The following LOXHD1 variants were observed in gnomAD, a reference collection of about 807,000 sequenced individuals.
LOXHD1 encodes lipoxygenase homology domain-containing protein 1.
Under a neutral mutation model 248.2 loss-of-function variants are expected in LOXHD1, and 205 were observed. The ratio of observed to expected loss-of-function variants is 0.83; its 90% CI spans 0.74 to 0.93. The LOEUF is 0.93. LOXHD1 is among the 40% of genes least tolerant of loss of function. LOXHD1 has a pLI of 0.00. For synonymous variants in LOXHD1, 1,113 were observed against 1,162.8 expected (o/e 0.96, Z 0.87); for missense variants, 2,930 against 2,971.6 (o/e 0.99, Z 0.33).
chr18:46,641,088 T>C (rs186939679), intron 3 of LOXHD1, among the ~76,000 whole-genome samples: 8 of 151,068 alleles, frequency 5.3e-5, no homozygotes, highest in African/African-American at 2.0e-4. Context: ...CCCTTCCCAA[T>C]CTCCCCTGCA....
chr18:46,566,351 G>A lies in LOXHD1; in HGVS notation c.2343C>T (p.Tyr781=), dbSNP rs2037641005. The part of the protein sequence containing the change: ...QIRVPRQGKQ[Y]TFPANRWLDK... ...CCAGCCAGCGGTTGGCGGGAAAGGT[G>A]TACTGCTTGCCTTGACGGGGCACAC... Residue 781 remains tyrosine, a synonymous_variant, in exon 17 of 41, where the codon TAC becomes TAT. Coordinates refer to ENST00000642948, the MANE Select transcript of LOXHD1 (RefSeq NM_001384474.1). The A allele has an allele frequency of 6.4e-7, 1 of 1,551,818 alleles. No individual in the cohort carries two copies. Among genetic ancestry groups the A allele is most frequent in the Non-Finnish European group, 8.7e-7 (1 of 1,147,030 alleles).
In LOXHD1 at chr18:46,617,105, G is replaced by T. The variant is rs114639702; in HGVS notation, c.610+1087C>A. ...TGCCAAATATCTAAAGGTATTACTGGCATGAAACCAATTTTCTGTACTTGA... is the reference window on the plus strand; with the variant it reads ...TGCCAAATATCTAAAGGTATTACTGTCATGAAACCAATTTTCTGTACTTGA... On this transcript the variant is annotated intron_variant, in intron 5 of 40. Coordinates refer to ENST00000642948, the MANE Select transcript of LOXHD1 (RefSeq NM_001384474.1). Among the ~76,000 whole-genome samples the T allele has an allele frequency of 2.4e-3, 372 of 152,278 alleles. 3 individuals are homozygous for T. Among genetic ancestry groups the T allele is most frequent in the African/African-American group, 8.1e-3 (335 of 41,562 alleles).
In LOXHD1 at chr18:46,485,109, C is replaced by T. The variant is rs557247059; in HGVS notation, c.6092G>A (p.Arg2031Lys). ...VIETGNGGET[R>K]ENVWLILEGR... is the part of the protein sequence containing the mutation. ...CTCCAGGATGAGCCAGACGTTCTCC[C>T]TGGTTTCGCCTCCGTTGCCCGTTTC... Residue 2031 changes from arginine (R) to lysine (K), a missense_variant, in exon 39 of 41, where the codon AGG becomes AAG. Transcript: ENST00000642948. 8.8e-5 allele frequency: 136 copies of T among 1,550,252 alleles called. No homozygotes were observed. The South Asian group carries it at 1.5e-3, about 17-fold the overall frequency.
chr18:46,510,518 G>A (rs1368874367), intron 34 of LOXHD1, among the ~76,000 whole-genome samples: 1 of 152,038 alleles, frequency 6.6e-6, no homozygotes, highest in Non-Finnish European at 1.5e-5. Context: ...TGTACAATTC[G>A]ACCTTCAATG....
intron 7 of LOXHD1, among the ~76,000 whole-genome samples, chr18:46,603,735 C>G (rs1298227686): frequency 1.3e-5 from 2 of 152,158 alleles, no homozygotes; most frequent in Non-Finnish European, 1.5e-5. Flanking sequence ...TGAAGGACAC[C>G]ATGTAGGTCA....
chr18:46,566,376 C>A lies in LOXHD1; in HGVS notation c.2318G>T (p.Arg773Leu). ...ASWFLGSVQI[R>L]VPRQGKQYTF... ...GTACTGCTTGCCTTGACGGGGCACA[C>A]GGATCTGAACGCTGCCCAGGAACCA... The change falls in exon 17 of 41, where the codon CGT becomes CTT. Residue 773 changes from arginine to leucine, a missense_variant. Coordinates refer to ENST00000642948, the MANE Select transcript of LOXHD1 (RefSeq NM_001384474.1). 1 of 1,551,636 alleles carries A rather than the reference C, an allele frequency of 6.4e-7. No individual in the cohort carries two copies. The highest frequency in any genetic ancestry group is 1.2e-5 in the South Asian group (1 of 84,062).
chr18:46,630,112 A>G (rs1301058470), intron 4 of LOXHD1, among the ~76,000 whole-genome samples: 2 of 152,234 alleles, frequency 1.3e-5, no homozygotes, highest in African/African-American at 4.8e-5. Flanking sequence ...ACCCACCTCA[A>G]GACTGGGCCC....
chr18:46,544,953 T>C (rs904086121), intron 23 of LOXHD1: 1 of 480,650 alleles, frequency 2.1e-6, no homozygotes, highest in Non-Finnish European at 4.3e-6. Context: ...GACCCAACAC[T>C]AAACACCACC....
chr18:46,520,256 A>G, intron 33 of LOXHD1: 2 of 470,494 alleles, frequency 4.3e-6, no homozygotes, highest in Middle Eastern at 3.3e-4. Flanking sequence ...TCCATATACA[A>G]TGTAGGCAGA....
rs113696943 is a variant in LOXHD1 at position 46,563,053 on chromosome 18, G to C, written c.2598+12C>G. ...CCTGCTGTTGGCACCCCCGCTCCTCGACCCCACATACCTGGAATGTGTCCT... is the reference window on the plus strand; with the variant it reads ...CCTGCTGTTGGCACCCCCGCTCCTCCACCCCACATACCTGGAATGTGTCCT... On this transcript the variant is annotated intron_variant, in intron 18 of 40. Transcript: ENST00000642948. 6.5e-7 allele frequency: 1 copy of C among 1,529,866 alleles called. No individual in the cohort carries two copies. Among genetic ancestry groups the C allele is most frequent in the Middle Eastern group, 1.8e-4 (1 of 5,484 alleles). 94.8% of individuals were successfully genotyped at this position (1,529,866 alleles called of 1,614,324 possible).
At chr18:46,580,898 C>A (rs887685582) in intron 12 of LOXHD1, among the ~76,000 whole-genome samples, 9 of 151,978 alleles carry the variant, frequency 5.9e-5, no homozygotes, top group Non-Finnish European at 1.3e-4. Context: ...GAGAGAAGGC[C>A]AATATGGCTG....
chr18:46,638,401 G>A (rs944208083), intron 4 of LOXHD1, among the ~76,000 whole-genome samples: 1 of 152,212 alleles, frequency 6.6e-6, no homozygotes, highest in African/African-American at 2.4e-5. Flanking sequence ...GGAGGCCGAG[G>A]TGGGTGGATC....
At chr18:46,536,733 A>G (rs1226859603) in intron 26 of LOXHD1, among the ~76,000 whole-genome samples, 2 of 152,224 alleles carry the variant, frequency 1.3e-5, no homozygotes, top group Admixed American at 6.5e-5. Flanking sequence ...AAGACTCAGC[A>G]AAGGTGACAG....
At chr18:46,520,331 G>A (rs1038417515) in intron 33 of LOXHD1, 1 of 471,104 alleles carries the variant, frequency 2.1e-6, no homozygotes, top group Admixed American at 2.3e-5. Flanking sequence ...GGTCCAAGAA[G>A]CCCATTGGTT....
At chr18:46,525,911 ACAT>A (rs2035806805) in intron 29 of LOXHD1, among the ~76,000 whole-genome samples, 2 of 152,306 alleles carry the variant, frequency 1.3e-5, no homozygotes, top group East Asian at 1.9e-4. Context: ...GGTGGGAACA[ACAT>A]CCTGTGTGAG....
chr18:46,522,205 G>A lies in LOXHD1; in HGVS notation c.4981C>T (p.Arg1661Cys), dbSNP rs780612724. The A allele has an allele frequency of 7.7e-6, 12 of 1,551,710 alleles. No individual in the cohort carries two copies. Among genetic ancestry groups the A allele is most frequent in the East Asian group, 4.9e-5 (2 of 40,922 alleles). ...CCTCGGGGGTAGTCCAACCAGATGC[G>A]CTTACTACGTTCATCATCCTCCCCG... ...LIGEDDERSK[R>C]IWLDYPRGKR... Residue 1661 changes from arginine to cysteine, a missense_variant, in exon 32 of 41, where the codon CGC becomes TGC. By Grantham distance (180) the Arg-to-Cys change is radical. Transcript: ENST00000642948.
At chr18:46,547,160 C>G in intron 21 of LOXHD1, 102 bp from the exon 22 acceptor site, 1 of 1,341,300 alleles carries the variant, frequency 7.5e-7, no homozygotes, top group Non-Finnish European at 1.0e-6. Context: ...GGGTCCCAAA[C>G]TCTCCCCTGT....
chr18:46,523,331 G>A (rs2035671522), intron 31 of LOXHD1, among the ~76,000 whole-genome samples: 1 of 152,078 alleles, frequency 6.6e-6, no homozygotes, highest in South Asian at 2.1e-4. Flanking sequence ...CTTGGAATAT[G>A]GATGTGATGG....
chr18:46,539,100 C>G (rs1459906131), intron 25 of LOXHD1, among the ~76,000 whole-genome samples: 1 of 152,206 alleles, frequency 6.6e-6, no homozygotes, highest in East Asian at 1.9e-4. Context: ...TGAACAGAGA[C>G]CAGTATGTCT....
Sources: gnomAD v4.1 joint callset for allele counts (sites outside exome capture counted in the v4.1 genomes callset) on GRCh38, gnomAD v4.1.1 for gene constraint, MANE v1.5 for transcripts, NCBI Gene and HGNC (gene_info 2026-07-23, HGNC 2026-07-21) for gene names.